LIPC: variants seen among roughly 807,000 people sequenced by gnomAD.
The protein encoded by LIPC is lipase C, hepatic type, also known as hepatic triacylglycerol lipase.
In LIPC, 44 loss-of-function variants were observed where a neutral mutation model predicts 50.7. That is an observed-to-expected ratio of 0.87 (90% confidence interval 0.68 to 1.11). LIPC has a LOEUF of 1.11. Ranked by LOEUF, LIPC falls within the 50% of genes most tolerant of loss-of-function variation. The probability of loss-of-function intolerance (pLI) is 0.00; values close to 1 mark genes in which losing one functional copy is unlikely to be tolerated. For synonymous variants in LIPC, 271 were observed against 256.4 expected (o/e 1.06, Z -0.54); for missense variants, 697 against 648.2 (o/e 1.08, Z -0.82).
intron 1 of LIPC, among the ~76,000 whole-genome samples, chr15:58,513,519 G>A (rs781233182): frequency 3.3e-5 from 5 of 152,140 alleles, no homozygotes; most frequent in African/African-American, 4.8e-5. Flanking sequence ...CCTAACTCCT[G>A]TTAGCCAAGC....
chr15:58,493,275 C>G (rs1891646768), intron 1 of LIPC, among the ~76,000 whole-genome samples: 1 of 152,110 alleles, frequency 6.6e-6, no homozygotes, highest in African/African-American at 2.4e-5. Flanking sequence ...TCCACCACAG[C>G]CTGCCTACTG....
chr15:58,526,668 C>T (rs958787160), intron 1 of LIPC, among the ~76,000 whole-genome samples: 5 of 152,216 alleles, frequency 3.3e-5, no homozygotes, highest in Admixed American at 6.5e-5. Context: ...TGGCAAAGAC[C>T]TTGGTGGATA....
In LIPC at chr15:58,434,518, A is replaced by G. The variant is rs142979013; in HGVS notation, c.88+2398A>G. ...GCAGGGAGAGGTACCTGCAGCCTCA[A>G]TCTGTCTACTGAGGCCGCAGTGCTC... On this transcript the variant is annotated intron_variant, in intron 1 of 8. Transcript: ENST00000299022. 1.2e-3 allele frequency among the ~76,000 whole-genome samples: 176 copies of G among 152,300 alleles called. 2 individuals carry two copies. The Middle Eastern group carries it at 0.014, about 12-fold the overall frequency.
At chr15:58,438,721 A>C (rs1893399270) in intron 1 of LIPC, among the ~76,000 whole-genome samples, 1 of 152,198 alleles carries the variant, frequency 6.6e-6, no homozygotes, top group African/African-American at 2.4e-5. Flanking sequence ...TGCAATTCCT[A>C]AACATGGTCA....
intron 8 of LIPC, chr15:58,565,029 C>T: frequency 1.6e-6 from 1 of 634,388 alleles, no homozygotes; most frequent in Non-Finnish European, 2.8e-6. Context: ...CTACCCTCTT[C>T]CGTCACCCCC....
intron 1 of LIPC, among the ~76,000 whole-genome samples, chr15:58,474,440 G>T (rs905720785): frequency 4.0e-5 from 6 of 150,140 alleles, no homozygotes; most frequent in African/African-American, 1.5e-4. Context: ...AGGATCAGAA[G>T]GTCAAGGCTG....
intron 1 of LIPC, among the ~76,000 whole-genome samples, chr15:58,489,218 GGGGGC>G (rs768837296): frequency 1.5e-4 from 5 of 32,654 alleles, no homozygotes; most frequent in South Asian, 1.0e-3. Context: ...ATTTTGTTGC[GGGGGC>G]GGGGGGGCGG....
At chr15:58,456,089 A>C (rs953858037) in intron 1 of LIPC, 5 of 152,246 alleles carry the variant, frequency 3.3e-5, no homozygotes, top group Non-Finnish European at 2.9e-5. Context: ...ACTCAATGAC[A>C]AATGAAGAAT....
intron 6 of LIPC, among the ~76,000 whole-genome samples, chr15:58,550,116 G>T (rs1459135065): frequency 6.6e-6 from 1 of 152,156 alleles, no homozygotes; most frequent in African/African-American, 2.4e-5. Context: ...AAAAGCTCTT[G>T]GCAGACCTGG....
Position 58,538,394 on chromosome 15 carries a change from C to T in LIPC, c.150C>T (p.Thr50=), listed in dbSNP as rs772238753. ...ETNKTLHEMK[T]RFLLFGETNQ... Reference sequence around the variant, plus strand: ...ACAAAACGCTGCATGAGATGAAGACCAGATTCCTGCTCTTTGGAGAAACCA... The same window carrying T: ...ACAAAACGCTGCATGAGATGAAGACTAGATTCCTGCTCTTTGGAGAAACCA... Residue 50 remains threonine (T), a synonymous_variant, in exon 2 of 9, where the codon ACC becomes ACT. Coordinates refer to ENST00000299022, the MANE Select transcript of LIPC (RefSeq NM_000236.3). The T allele has an allele frequency of 1.2e-6, 2 of 1,614,058 alleles. No homozygotes were observed. The highest frequency in any genetic ancestry group is 1.7e-6 in the Non-Finnish European group (2 of 1,180,032).
intron 1 of LIPC, among the ~76,000 whole-genome samples, chr15:58,485,848 A>G (rs1296306647): frequency 6.6e-6 from 1 of 152,208 alleles, no homozygotes. Flanking sequence ...GTTACTTTCC[A>G]TGTAGATTAC....
At chr15:58,534,986 T>C (rs952334565) in intron 1 of LIPC, among the ~76,000 whole-genome samples, 5 of 152,216 alleles carry the variant, frequency 3.3e-5, no homozygotes, top group African/African-American at 7.2e-5. Flanking sequence ...GTCTACCTTC[T>C]CCACAACAGC....
intron 5 of LIPC, 31 bp downstream of exon 5, chr15:58,546,006 G>T: frequency 1.3e-6 from 2 of 1,544,334 alleles, no homozygotes; most frequent in East Asian, 2.2e-5. Context: ...CGGGAGCACC[G>T]GCCTACATTT....
At chr15:58,498,296 G>A (rs1454377927) in intron 1 of LIPC, among the ~76,000 whole-genome samples, 1 of 152,088 alleles carries the variant, frequency 6.6e-6, no homozygotes, top group South Asian at 2.1e-4. Context: ...GGTTCAATAG[G>A]TCTAGAGCGG....
intron 7 of LIPC, 148 bp from the exon 8 acceptor site, chr15:58,563,357 C>T: frequency 1.4e-6 from 1 of 713,526 alleles, no homozygotes. Flanking sequence ...ACTGCTAACT[C>T]TATCAATAGT....
At chr15:58,501,615 T>C (rs1162925646) in intron 1 of LIPC, among the ~76,000 whole-genome samples, 3 of 152,142 alleles carry the variant, frequency 2.0e-5, no homozygotes, top group Non-Finnish European at 4.4e-5. Context: ...GAATATGACA[T>C]CTGATTGGGC....
intron 1 of LIPC, among the ~76,000 whole-genome samples, chr15:58,508,879 T>C (rs775271360): frequency 1.3e-5 from 2 of 152,056 alleles, no homozygotes; most frequent in African/African-American, 2.4e-5. Flanking sequence ...TTAGTATTCT[T>C]CTGTGCATCC....
At position 58,432,010 on chromosome 15, in the gene LIPC, T is replaced by C. The variant is rs370723304; in HGVS notation, c.-23T>C. ...GGCTTCAGAAATTACCAAGAAAGCC[T>C]GGACCCCGGGTGAAACGGAGAAATG... On this transcript the variant is annotated 5_prime_UTR_variant, in exon 1 of 9. Coordinates refer to ENST00000299022, the MANE Select transcript of LIPC (RefSeq NM_000236.3). 50 of 1,581,462 alleles carry C rather than the reference T, an allele frequency of 3.2e-5. No individual in the cohort carries two copies. In the African/African-American group the frequency reaches 5.6e-4, roughly 18 times the overall value.
intron 6 of LIPC, among the ~76,000 whole-genome samples, chr15:58,556,260 G>A (rs1217948572): frequency 6.6e-6 from 1 of 152,136 alleles, no homozygotes; most frequent in Non-Finnish European, 1.5e-5. Context: ...CTCCTTGGAG[G>A]CCTAGTGTGT....
Sources: gnomAD v4.1 joint callset for allele counts (sites outside exome capture counted in the v4.1 genomes callset) on GRCh38, gnomAD v4.1.1 for gene constraint, MANE v1.5 for transcripts, NCBI Gene and HGNC (gene_info 2026-07-23, HGNC 2026-07-21) for gene names.